The following KLF16 variants were observed in gnomAD, a reference collection of about 807,000 sequenced individuals.
KLF16 encodes the protein KLF transcription factor 16.
A neutral mutation model predicts 6.1 loss-of-function variants in KLF16; 6 were observed. The ratio of observed to expected loss-of-function variants is 0.98; its 90% CI spans 0.54 to 1.93. KLF16 has a LOEUF of 1.93. Among genes scored for constraint, KLF16 ranks in the 30% most tolerant of loss-of-function variants. KLF16 has a pLI of 0.01. For missense variants in KLF16, 355 were observed against 363.8 expected (o/e 0.98, Z 0.20); for synonymous variants, 211 against 176.5 (o/e 1.20, Z -1.55).
chr19:1,858,767 A>T (rs1306383792), intron 1 of KLF16, among the ~76,000 whole-genome samples: 2 of 152,110 alleles, frequency 1.3e-5, no homozygotes, highest in Non-Finnish European at 2.9e-5. Flanking sequence ...GACTCTGGGT[A>T]CCTGGGGGTC....
the KLF16 span, chr19:1,875,121 A>G: frequency 6.6e-6 from 1 of 152,202 alleles, no homozygotes; most frequent in African/African-American, 2.4e-5. Flanking sequence ...GCGATTTGGT[A>G]CCACCCCTTT....
chr19:1,864,720 C>T (rs1265134387), upstream of KLF16, among the ~76,000 whole-genome samples: 2 of 152,222 alleles, frequency 1.3e-5, no homozygotes, highest in African/African-American at 4.8e-5. Flanking sequence ...GTATTCGGGC[C>T]TCCCGGCCGC....
intron 1 of KLF16, among the ~76,000 whole-genome samples, chr19:1,856,950 C>CGGGGGGGGGGGGGGGGGGGGGGGGGGGG (rs946961126): frequency 4.6e-5 from 2 of 43,258 alleles, no homozygotes; most frequent in Admixed American, 2.6e-4. Context: ...AGCAGGTTGC[C>CGGGGGGGGGGGGGGGGGGGGGGGGGGGG]GGGGTGGGGG....
intron 1 of KLF16, chr19:1,862,123 G>C (rs921812180): frequency 1.4e-5 from 2 of 147,024 alleles, no homozygotes; most frequent in Non-Finnish European, 3.0e-5. Context: ...GAAGGGACAA[G>C]CACCTCTAAT....
chr19:1,865,176 A>C (rs1432078587), upstream of KLF16, among the ~76,000 whole-genome samples: 1 of 152,146 alleles, frequency 6.6e-6, no homozygotes, highest in Non-Finnish European at 1.5e-5. Flanking sequence ...GAGAGAGAGG[A>C]GGTTCAGCGA....
the KLF16 span, chr19:1,875,306 A>T: frequency 1.3e-5 from 2 of 152,246 alleles, no homozygotes; most frequent in African/African-American, 4.8e-5. Context: ...TGGTGCTATA[A>T]AACTCCGTTT....
the KLF16 span, among the ~76,000 whole-genome samples, chr19:1,870,321 C>T: frequency 1.2e-4 from 19 of 152,202 alleles, no homozygotes; most frequent in East Asian, 3.5e-3. Context: ...CAGCAGCTCA[C>T]ATTTGCAGCA....
At chr19:1,874,770 A>C in the KLF16 span, 5 of 147,830 alleles carry the variant, frequency 3.4e-5, no homozygotes, top group African/African-American at 1.0e-4. Context: ...AAAAAAAAAA[A>C]AAAAAAACAC....
chr19:1,869,847 A>C, the KLF16 span, among the ~76,000 whole-genome samples: 1 of 152,168 alleles, frequency 6.6e-6, no homozygotes, highest in Non-Finnish European at 1.5e-5. Flanking sequence ...TTCTGGGCTC[A>C]AACAATCCTC....
At chr19:1,869,479 C>G in the KLF16 span, among the ~76,000 whole-genome samples, 1 of 151,984 alleles carries the variant, frequency 6.6e-6, no homozygotes, top group Non-Finnish European at 1.5e-5. Flanking sequence ...AACTCCAGCT[C>G]AATAAAAAAA....
In KLF16 at chr19:1,854,456, G is replaced by A; in HGVS notation, c.*3C>T. On this transcript the variant is annotated 3_prime_UTR_variant, in exon 2 of 2. Coordinates refer to ENST00000250916, the MANE Select transcript of KLF16 (RefSeq NM_031918.4). ...GGCGGTCAGGGTGGGCTGCACGAGG[G>A]CCCTACAGGCCTGCGGGGGCTGGGC... 1 of 1,401,094 alleles carries A rather than the reference G, an allele frequency of 7.1e-7. No individual in the cohort carries two copies. The allele number at this position is 1,401,094 out of a possible 1,614,324, so 86.8% of individuals were successfully genotyped here.
At chr19:1,862,834 G>T (rs1337440009) in intron 1 of KLF16, 1 of 320,480 alleles carries the variant, frequency 3.1e-6, no homozygotes, top group Non-Finnish European at 5.6e-6. Flanking sequence ...CCGCCGGGGC[G>T]GCCATCCGCT....
intron 1 of KLF16, chr19:1,862,797 GC>G: frequency 2.7e-6 from 1 of 365,130 alleles, no homozygotes. Context: ...CGCAGACCTC[GC>G]TGGGCCCCCG....
upstream of KLF16, among the ~76,000 whole-genome samples, chr19:1,868,340 C>T (rs919773037): frequency 6.6e-6 from 1 of 151,992 alleles, no homozygotes; most frequent in Non-Finnish European, 1.5e-5. Context: ...GGGGTGAAGT[C>T]GTCAGGGTCT....
At chr19:1,858,105 C>T (rs577353688) in intron 1 of KLF16, among the ~76,000 whole-genome samples, 3 of 152,160 alleles carry the variant, frequency 2.0e-5, no homozygotes, top group Admixed American at 6.5e-5. Context: ...CTGCTGTTCC[C>T]GCCAAACACG....
the KLF16 span, among the ~76,000 whole-genome samples, chr19:1,874,205 A>G: frequency 3.7e-4 from 57 of 152,292 alleles, no homozygotes; most frequent in African/African-American, 1.3e-3. Flanking sequence ...GGAGAACCAG[A>G]TAAACTTGCC....
upstream of KLF16, among the ~76,000 whole-genome samples, chr19:1,867,597 G>A (rs2012208127): frequency 1.3e-5 from 2 of 152,196 alleles, no homozygotes; most frequent in Admixed American, 1.3e-4. Flanking sequence ...TGGGTGTGGT[G>A]GCTGATGCCT....
chr19:1,873,372 C>T, the KLF16 span, among the ~76,000 whole-genome samples: 2 of 152,202 alleles, frequency 1.3e-5, no homozygotes, highest in African/African-American at 2.4e-5. Context: ...TAGCCCACAT[C>T]TCAGGCAAGC....
At chr19:1,869,387 G>T in the KLF16 span, among the ~76,000 whole-genome samples, 1 of 152,158 alleles carries the variant, frequency 6.6e-6, no homozygotes, top group African/African-American at 2.4e-5. Context: ...GGCTGAGGCA[G>T]GAAAATCACT....
Sources: allele counts gnomAD v4.1 joint callset (sites outside exome capture counted in the v4.1 genomes callset), GRCh38; gene constraint gnomAD v4.1.1; transcripts MANE v1.5; gene names NCBI Gene and HGNC (gene_info 2026-07-23, HGNC 2026-07-21).